NELFB: variants seen among roughly 807,000 people sequenced by gnomAD.
NELFB encodes negative elongation factor B.
A neutral mutation model predicts 60.2 loss-of-function variants in NELFB; 34 were observed. The ratio of observed to expected loss-of-function variants is 0.56; its 90% CI spans 0.43 to 0.75. The LOEUF is 0.75. Among genes scored for constraint, NELFB ranks in the 30% least tolerant of loss-of-function variants. NELFB has a pLI of 0.00. For synonymous variants in NELFB, 459 were observed against 382.1 expected (o/e 1.20, Z -2.35); for missense variants, 770 against 831.6 (o/e 0.93, Z 0.91).
intron 4 of NELFB, among the ~76,000 whole-genome samples, chr9:137,259,542 G>A (rs1046456492): frequency 6.6e-6 from 1 of 152,008 alleles, no homozygotes; most frequent in Non-Finnish European, 1.5e-5. Context: ...TTCTCCTATC[G>A]CCTGTCTCTT....
chr9:137,273,154 T>G lies in NELFB; in HGVS notation c.*226T>G. 2 of 402,298 alleles carry G rather than the reference T, an allele frequency of 5.0e-6. No individual in the cohort carries two copies. Among genetic ancestry groups the G allele is most frequent in the South Asian group, 6.1e-5 (1 of 16,402 alleles). The allele number at this position is 402,298 out of a possible 1,614,324, so 24.9% of individuals were successfully genotyped here. A position where few individuals can be genotyped will look rare whatever the true frequency, so the allele number is the denominator to read the frequency against. On this transcript the variant is annotated 3_prime_UTR_variant, in exon 13 of 13. Transcript: ENST00000343053. ...CAGGGCAGAGCCTCTCCTTGTACTTTGGCAGCCATAGAAAGCGTGCTCATT... is the reference window on the plus strand; with the variant it reads ...CAGGGCAGAGCCTCTCCTTGTACTTGGGCAGCCATAGAAAGCGTGCTCATT...
chr9:137,270,563 CTGGG>C (rs1332876471), intron 10 of NELFB, among the ~76,000 whole-genome samples: 1 of 152,158 alleles, frequency 6.6e-6, no homozygotes, highest in Non-Finnish European at 1.5e-5. Context: ...GCACTCCAGC[CTGGG>C]TGACAGAGCG....
intron 10 of NELFB, among the ~76,000 whole-genome samples, chr9:137,270,479 A>T (rs902913450): frequency 6.6e-6 from 1 of 150,662 alleles, no homozygotes; most frequent in Non-Finnish European, 1.5e-5. Flanking sequence ...AGTCCCAGCT[A>T]CTCGGGAGGG....
chr9:137,260,589 A>C (rs1830427153), intron 4 of NELFB, among the ~76,000 whole-genome samples: 2 of 150,690 alleles, frequency 1.3e-5, no homozygotes, highest in South Asian at 4.2e-4. Context: ...AGTAGCTGGG[A>C]TTACAGGCAC....
At chr9:137,256,189 G>C (rs900703618) in intron 2 of NELFB, 119 bp downstream of exon 2, 20 of 1,378,996 alleles carry the variant, frequency 1.5e-5, no homozygotes, top group Non-Finnish European at 6.1e-6. Context: ...GGTGGCCTGG[G>C]CCTGTGTCTG....
At chr9:137,262,871 C>T (rs1477686429) in intron 4 of NELFB, among the ~76,000 whole-genome samples, 166 bp from the exon 5 acceptor site, 1 of 152,190 alleles carries the variant, frequency 6.6e-6, no homozygotes, top group Non-Finnish European at 1.5e-5. Flanking sequence ...GAACCTGCTA[C>T]CATCAGACTG....
At chr9:137,267,393 T>A in intron 10 of NELFB, 47 bp downstream of exon 10, 1 of 1,536,590 alleles carries the variant, frequency 6.5e-7, no homozygotes, top group South Asian at 1.2e-5. Flanking sequence ...CTGCGGCAGC[T>A]GCCGTATGCA....
chr9:137,270,942 C>T (rs557645556), intron 10 of NELFB, among the ~76,000 whole-genome samples: 6 of 152,360 alleles, frequency 3.9e-5, no homozygotes, highest in Non-Finnish European at 7.3e-5. Context: ...CCAGTGACCA[C>T]GGACCACGGG....
rs1440299979 is a variant in NELFB at position 137,266,975 on chromosome 9, T to G, written c.1271T>G (p.Met424Arg). 6.2e-7 allele frequency: 1 copy of G among 1,613,926 alleles called. No individual in the cohort carries two copies. Among genetic ancestry groups the G allele is most frequent in the Non-Finnish European group, 8.5e-7 (1 of 1,180,000 alleles). Residue 424 changes from methionine to arginine, a missense_variant, in exon 9 of 13, where the codon ATG becomes AGG. Transcript: ENST00000343053. ...GAGCTCATCACCAGGTTCCTCCCGA[T>G]GCTCATGTCCTTCCTGGTGGATGAC...
chr9:137,261,924 C>T (rs1288909943), intron 4 of NELFB, among the ~76,000 whole-genome samples: 2 of 152,020 alleles, frequency 1.3e-5, no homozygotes, highest in Non-Finnish European at 2.9e-5. Context: ...TAGGTAAGGT[C>T]ACGTGGTTCA....
chr9:137,265,984 G>A lies in NELFB; in HGVS notation c.1143+5G>A. On this transcript the variant is annotated splice_donor_5th_base_variant and intron_variant, in intron 7 of 12. Coordinates refer to ENST00000343053, the MANE Select transcript of NELFB (RefSeq NM_015456.5). ...GGCCAGGAGACACTGCCCAGGGTGAGTGTGGGCTTGGCCAGCAGCTGTCGG... is the reference window on the plus strand; with the variant it reads ...GGCCAGGAGACACTGCCCAGGGTGAATGTGGGCTTGGCCAGCAGCTGTCGG... The A allele has an allele frequency of 6.2e-7, 1 of 1,605,326 alleles. No homozygotes were observed. The highest frequency in any genetic ancestry group is 8.5e-7 in the Non-Finnish European group (1 of 1,173,368).
At chr9:137,263,464 C>T (rs551596740) in intron 5 of NELFB, among the ~76,000 whole-genome samples, 1 of 129,484 alleles carries the variant, frequency 7.7e-6, no homozygotes, top group African/African-American at 3.0e-5. Flanking sequence ...CCCCGGCCCT[C>T]TCTCCTTCCC....
chr9:137,271,259 G>A (rs1374887205), intron 10 of NELFB, among the ~76,000 whole-genome samples: 1 of 152,258 alleles, frequency 6.6e-6, no homozygotes, highest in Non-Finnish European at 1.5e-5. Context: ...CAGGCACCTC[G>A]GGGGCCTGGG....
Position 137,265,960 on chromosome 9 carries a change from G to A in NELFB, c.1124G>A (p.Gly375Asp). ...GTCAGGCACCTGCAGGAGCTGGTCG[G>A]CCAGGAGACACTGCCCAGGGTGAGT... is the stretch of plus-strand genomic sequence containing the variant. Residue 375 changes from glycine (G) to aspartate (D), a missense_variant, in exon 7 of 13, where the codon GGC becomes GAC. By Grantham distance (94) the Gly-to-Asp change is moderately conservative. Transcript: ENST00000343053. The A allele has an allele frequency of 6.2e-7, 1 of 1,612,570 alleles. No individual in the cohort carries two copies. The highest frequency in any genetic ancestry group is 8.5e-7 in the Non-Finnish European group (1 of 1,179,570).
In NELFB at chr9:137,273,238, T is replaced by G; in HGVS notation, c.*310T>G. ...TTTTCCAAGGGGAGAGGGCGGGGCC[T>G]GAGGGTGGGGGCGGGGCCTCTTCAT... On this transcript the variant is annotated 3_prime_UTR_variant, in exon 13 of 13. Coordinates refer to ENST00000343053, the MANE Select transcript of NELFB (RefSeq NM_015456.5). 1 of 250,320 alleles carries G rather than the reference T, an allele frequency of 4.0e-6. No homozygotes were observed. The highest frequency in any genetic ancestry group is 5.3e-5 in the Admixed American group (1 of 19,024). The allele number at this position is 250,320 out of a possible 1,614,324, so 15.5% of individuals were successfully genotyped here.
rs775731459 is a variant in NELFB, at chr9:137,256,819, T to C, written c.511-5T>C. ...CACTCACAGGCAGCCTGTGGTGTCA[T>C]GTAGGTTCCGGAGAAAAAACTGAAG... On this transcript the variant is annotated splice_region_variant and splice_polypyrimidine_tract_variant and intron_variant, in intron 3 of 12. Transcript: ENST00000343053. The C allele has an allele frequency of 3.1e-6, 5 of 1,613,762 alleles. No individual in the cohort carries two copies. The highest frequency in any genetic ancestry group is 1.7e-5 in the Admixed American group (1 of 60,002).
intron 5 of NELFB, 63 bp downstream of exon 5, chr9:137,263,285 C>T (rs1830476806): frequency 4.7e-6 from 7 of 1,500,334 alleles, no homozygotes; most frequent in South Asian, 2.4e-5. Flanking sequence ...TCCCTCCCTC[C>T]TTCCCTCCCA....
At chr9:137,264,609 G>A (rs1018237499) in intron 6 of NELFB, among the ~76,000 whole-genome samples, 2 of 152,256 alleles carry the variant, frequency 1.3e-5, no homozygotes, top group Admixed American at 6.5e-5. Flanking sequence ...GGGATTACAG[G>A]CACGCGCCAC....
At chr9:137,257,807 TC>T (rs1837580203) in intron 4 of NELFB, among the ~76,000 whole-genome samples, 2 of 16,642 alleles carry the variant, frequency 1.2e-4, no homozygotes, top group South Asian at 4.6e-3. Flanking sequence ...TGGCTTTTTT[TC>T]TTTTTTTTTC....
Sources: gnomAD v4.1 joint callset for allele counts (sites outside exome capture counted in the v4.1 genomes callset) on GRCh38, gnomAD v4.1.1 for gene constraint, MANE v1.5 for transcripts, NCBI Gene and HGNC (gene_info 2026-07-23, HGNC 2026-07-21) for gene names.